Variants in BUB3 observed in about 807,000 individuals in gnomAD.
BUB3 encodes mitotic checkpoint protein BUB3.
Under a neutral mutation model 39.9 loss-of-function variants are expected in BUB3, and 22 were observed. That is an observed-to-expected ratio of 0.55 (90% CI 0.39 to 0.79). The LOEUF is 0.79. Ranked by LOEUF, BUB3 falls within the 30% of genes least tolerant of loss-of-function variation. The pLI is 0.00. For synonymous variants in BUB3, 168 were observed against 155.1 expected (o/e 1.08, Z -0.62); for missense variants, 303 against 415.4 (o/e 0.73, Z 2.35).
In BUB3 at chr10:123,164,785, A is replaced by G. The variant is rs1032032276; in HGVS notation, c.*950A>G. The G allele has an allele frequency of 6.5e-6, 8 of 1,236,310 alleles. No homozygotes were observed. Among genetic ancestry groups the G allele is most frequent in the Non-Finnish European group, 8.1e-6 (8 of 987,006 alleles). 76.6% of individuals were successfully genotyped at this position (1,236,310 alleles called of 1,614,324 possible). On this transcript the variant is annotated 3_prime_UTR_variant, in exon 8 of 8. Coordinates refer to ENST00000368865, the MANE Select transcript of BUB3 (RefSeq NM_004725.4). The stretch of plus-strand genomic sequence containing the variant: ...AATGAGATTCATTTCAATGTAATGC[A>G]CTAAAGCAGAACACGAACTTAGCTT...
In BUB3 at chr10:123,156,753, G is replaced by GTTTTTTTTTTTTTTTTTTTT. The variant is rs756642442; in HGVS notation, c.266-965_266-964insTTTTTTTTTTTTTTTTTTTT. ...ATGAAATCCTTTCTTTTTCTTTCTTGTTTTTTTTTTTGAGCTAGAGTCTCA... is the reference window on the plus strand; with the variant it reads ...ATGAAATCCTTTCTTTTTCTTTCTTGTTTTTTTTTTTTTTTTTTTTTTTTTTTTTTTGAGCTAGAGTCTCA... On this transcript the variant is annotated intron_variant, in intron 3 of 7. Transcript: ENST00000368865. 1.7e-4 allele frequency among the ~76,000 whole-genome samples: 23 copies of GTTTTTTTTTTTTTTTTTTTT among 135,108 alleles called. 2 individuals are homozygous for GTTTTTTTTTTTTTTTTTTTT. The East Asian group carries it at 1.8e-3, about 10-fold the overall frequency. 88.6% of individuals were successfully genotyped at this position (135,108 alleles called of 152,430 possible).
intron 3 of BUB3, among the ~76,000 whole-genome samples, chr10:123,156,131 A>G (rs185166510): frequency 6.6e-6 from 1 of 152,156 alleles, no homozygotes; most frequent in South Asian, 2.1e-4. Context: ...AAAACCTGAC[A>G]AAAAATAGGC....
Position 123,167,176 on chromosome 10 carries a change from ACTGGGGTTCTTCT to A in BUB3, c.*3344_*3356del. ...ACCTTTTACCACTCCCCCAGAAAAC[ACTGGGGTTCTTCT>A]CTTACGCTGAGAGCCAGGTTACTTT... is the stretch of plus-strand genomic sequence containing the variant. On this transcript the variant is annotated 3_prime_UTR_variant, in exon 8 of 8. Coordinates refer to ENST00000368865, the MANE Select transcript of BUB3 (RefSeq NM_004725.4). The A allele has an allele frequency of 6.6e-6, 1 of 152,292 alleles. No individual in the cohort carries two copies. Among genetic ancestry groups the A allele is most frequent in the East Asian group, 1.9e-4 (1 of 5,186 alleles). The allele number at this position is 152,292 out of a possible 1,614,324, so 9.4% of individuals were successfully genotyped here.
intron 4 of BUB3, among the ~76,000 whole-genome samples, chr10:123,159,295 G>A (rs538631609): frequency 6.6e-6 from 1 of 152,292 alleles, no homozygotes; most frequent in African/African-American, 2.4e-5. Flanking sequence ...GATGGTATGT[G>A]GTTAACATAC....
rs1844462869 is a variant in BUB3 at position 123,164,477 on chromosome 10, A to G, written c.*642A>G. On this transcript the variant is annotated 3_prime_UTR_variant, in exon 8 of 8. Transcript: ENST00000368865. Reference sequence around the variant, plus strand: ...TCCTAATATCATTTTGTGACTGTAAACAATTATTTATTAGCAAACAATTGA... The same window carrying G: ...TCCTAATATCATTTTGTGACTGTAAGCAATTATTTATTAGCAAACAATTGA... 1.0e-6 allele frequency: 1 copy of G among 985,566 alleles called. No homozygotes were observed. The highest frequency in any genetic ancestry group is 1.7e-5 in the African/African-American group (1 of 57,232). 61.1% of individuals were successfully genotyped at this position (985,566 alleles called of 1,614,324 possible).
Position 123,155,781 on chromosome 10 carries a change from T to C in BUB3, c.265+54T>C, listed in dbSNP as rs1450384180. The C allele has an allele frequency of 2.6e-6, 4 of 1,536,676 alleles. No individual in the cohort carries two copies. The East Asian group carries it at 9.0e-5, about 35-fold the overall frequency. Reference sequence around the variant, plus strand: ...TTTTCTTGGCTAGTGTTCTTAAGTATAAATGTTTATGTAGGAAGAGTGGTT... The same window carrying C: ...TTTTCTTGGCTAGTGTTCTTAAGTACAAATGTTTATGTAGGAAGAGTGGTT... On this transcript the variant is annotated intron_variant, in intron 3 of 7. Transcript: ENST00000368865.
At chr10:123,155,810 A>C in intron 3 of BUB3, 83 bp downstream of exon 3, 1 of 1,350,752 alleles carries the variant, frequency 7.4e-7, no homozygotes, top group Non-Finnish European at 1.1e-6. Context: ...AGTGGTTCCT[A>C]AATTGCTTAG....
intron 7 of BUB3, 182 bp downstream of exon 7, chr10:123,163,010 T>C (rs1844445912): frequency 5.0e-6 from 3 of 604,028 alleles, no homozygotes; most frequent in Non-Finnish European, 8.5e-6. Context: ...AGACGTCTGA[T>C]GGATAAAATT....
rs1844521577 is a variant in BUB3 at position 123,168,926 on chromosome 10, G to C, written c.*5091G>C. 6.6e-6 allele frequency: 1 copy of C among 152,164 alleles called. No individual in the cohort carries two copies. The highest frequency in any genetic ancestry group is 2.4e-5 in the African/African-American group (1 of 41,400). 9.4% of individuals were successfully genotyped at this position (152,164 alleles called of 1,614,324 possible). A position where few individuals can be genotyped will look rare whatever the true frequency, so the allele number is the denominator to read the frequency against. ...TGTGTAGCTCAAGACAATTCTTCCAGTGTGGACCAGGAAAGCCAAAAGATT... is the reference window on the plus strand; with the variant it reads ...TGTGTAGCTCAAGACAATTCTTCCACTGTGGACCAGGAAAGCCAAAAGATT... On this transcript the variant is annotated 3_prime_UTR_variant, in exon 8 of 8. Coordinates refer to ENST00000368865, the MANE Select transcript of BUB3 (RefSeq NM_004725.4).
At position 123,168,352 on chromosome 10, in the gene BUB3, T is replaced by C. The variant is rs1844512875; in HGVS notation, c.*4517T>C. The C allele has an allele frequency of 6.6e-6, 1 of 152,182 alleles. No homozygotes were observed. The highest frequency in any genetic ancestry group is 1.5e-5 in the Non-Finnish European group (1 of 68,034). The allele number at this position is 152,182 out of a possible 1,614,324, so 9.4% of individuals were successfully genotyped here. On this transcript the variant is annotated 3_prime_UTR_variant, in exon 8 of 8. Transcript: ENST00000368865. Reference sequence around the variant, plus strand: ...TGGGTAGACAAATTTAAAGATGTTATTTGGGATGGTGTGACTTGCACAAGC... The same window carrying C: ...TGGGTAGACAAATTTAAAGATGTTACTTGGGATGGTGTGACTTGCACAAGC...
Position 123,165,318 on chromosome 10 carries a change from C to A in BUB3, c.*1483C>A. On this transcript the variant is annotated 3_prime_UTR_variant, in exon 8 of 8. Coordinates refer to ENST00000368865, the MANE Select transcript of BUB3 (RefSeq NM_004725.4). The stretch of plus-strand genomic sequence containing the variant: ...GTTTGAGCTCTTTTTGTAATATACT[C>A]TAAACCTGTTATTTCTGTGCTAATA... 2.7e-6 allele frequency: 1 copy of A among 374,782 alleles called. No individual in the cohort carries two copies. The highest frequency in any genetic ancestry group is 4.8e-6 in the Non-Finnish European group (1 of 209,636). 23.2% of individuals were successfully genotyped at this position (374,782 alleles called of 1,614,324 possible).
intron 3 of BUB3, among the ~76,000 whole-genome samples, chr10:123,157,174 C>A (rs1334942961): frequency 6.6e-6 from 1 of 152,174 alleles, no homozygotes; most frequent in Non-Finnish European, 1.5e-5. Flanking sequence ...AAAATTTGAA[C>A]CACAGTGGAA....
chr10:123,164,295 AT>A lies in BUB3; in HGVS notation c.*462del, dbSNP rs1357951419. The A allele has an allele frequency of 1.0e-6, 1 of 986,244 alleles. No individual in the cohort carries two copies. Among genetic ancestry groups the A allele is most frequent in the African/African-American group, 1.7e-5 (1 of 57,278 alleles). 61.1% of individuals were successfully genotyped at this position (986,244 alleles called of 1,614,324 possible). A position where few individuals can be genotyped will look rare whatever the true frequency, so the allele number is the denominator to read the frequency against. ...TGCTTCATGAGGAGGTTAATCTACA[AT>A]TAAACAATATTTCCTCTTGGCCGTC... On this transcript the variant is annotated 3_prime_UTR_variant, in exon 8 of 8. Transcript: ENST00000368865.
chr10:123,170,387 T>C lies in BUB3; in HGVS notation c.*6552T>C, dbSNP rs1482909466. 1 of 152,202 alleles carries C rather than the reference T, an allele frequency of 6.6e-6. No homozygotes were observed. Among genetic ancestry groups the C allele is most frequent in the Non-Finnish European group, 1.5e-5 (1 of 68,034 alleles). The allele number at this position is 152,202 out of a possible 1,614,324, so 9.4% of individuals were successfully genotyped here. On this transcript the variant is annotated 3_prime_UTR_variant, in exon 8 of 8. Transcript: ENST00000368865. ...TCAGAAAAACTCAGGATCATACCCATAAACCCACTGTTTAGATTTTAAAAA... is the reference window on the plus strand; with the variant it reads ...TCAGAAAAACTCAGGATCATACCCACAAACCCACTGTTTAGATTTTAAAAA...
chr10:123,155,870 T>G (rs1844342761), intron 3 of BUB3, 143 bp downstream of exon 3: 1 of 693,818 alleles, frequency 1.4e-6, no homozygotes, highest in African/African-American at 1.8e-5. Context: ...TTTTTTTAAT[T>G]TAAATGATAA....
intron 7 of BUB3, 162 bp downstream of exon 7, chr10:123,162,990 G>A (rs747628458): frequency 2.9e-6 from 2 of 691,414 alleles, no homozygotes; most frequent in Non-Finnish European, 4.8e-6. Context: ...TTCAATATCC[G>A]TAGGTTGATA....
At chr10:123,162,204 A>G (rs1183132348) in intron 5 of BUB3, 32 bp from the exon 6 acceptor site, 1 of 1,586,880 alleles carries the variant, frequency 6.3e-7, no homozygotes, top group Non-Finnish European at 8.6e-7. Context: ...GCTGGAATTT[A>G]CCATTTTTTT....
At chr10:123,154,712 G>C (rs894512541) in intron 1 of BUB3, 2 of 564,786 alleles carry the variant, frequency 3.5e-6, no homozygotes, top group African/African-American at 4.0e-5. Flanking sequence ...CGGCGGTGCG[G>C]GCTGGGCCGG....
chr10:123,164,590 T>C lies in BUB3; in HGVS notation c.*755T>C, dbSNP rs1326710306. On this transcript the variant is annotated 3_prime_UTR_variant, in exon 8 of 8. Coordinates refer to ENST00000368865, the MANE Select transcript of BUB3 (RefSeq NM_004725.4). ...ATTTGGAAAAATAATTGTAACGTAA[T>C]TGCAGTGCATTTAGACAGGCATCTA... 4 of 988,010 alleles carry C rather than the reference T, an allele frequency of 4.0e-6. No individual in the cohort carries two copies. In the Admixed American group the frequency reaches 2.4e-4, roughly 60 times the overall value. The allele number at this position is 988,010 out of a possible 1,614,324, so 61.2% of individuals were successfully genotyped here.
Sources: allele counts gnomAD v4.1 joint callset (sites outside exome capture counted in the v4.1 genomes callset), GRCh38; gene constraint gnomAD v4.1.1; transcripts MANE v1.5; gene names NCBI Gene and HGNC (gene_info 2026-07-23, HGNC 2026-07-21).